The following RBFOX1 variants were observed in gnomAD, a reference collection of about 807,000 sequenced individuals.
RBFOX1 encodes the protein RNA binding fox-1 homolog 1.
A neutral mutation model predicts 57.7 loss-of-function variants in RBFOX1; 8 were observed. The ratio of observed to expected loss-of-function variants is 0.14; its 90% CI spans 0.08 to 0.25. The LOEUF (loss-of-function observed/expected upper bound fraction) is 0.25, where lower values mean the gene tolerates loss of function less well. Ranked by LOEUF, RBFOX1 falls within the 10% of genes least tolerant of loss-of-function variation. The pLI is 1.00. For missense variants in RBFOX1, 611 were observed against 548.5 expected (o/e 1.11, Z -1.14); for synonymous variants, 326 against 222.4 (o/e 1.47, Z -4.15).
intron 3 of RBFOX1, among the ~76,000 whole-genome samples, chr16:6,954,916 T>A (rs1036522889): frequency 2.6e-5 from 4 of 152,092 alleles, no homozygotes; most frequent in South Asian, 2.1e-4. Flanking sequence ...CCTAAACTTA[T>A]TAGGCTATTT....
chr16:6,353,239 G>A (rs930313133), intron 2 of RBFOX1, among the ~76,000 whole-genome samples: 13 of 151,902 alleles, frequency 8.6e-5, no homozygotes, highest in African/African-American at 2.2e-4. Context: ...TTTATCATAC[G>A]TCCTCCATCT....
At chr16:7,710,018 A>G in intron 15 of RBFOX1, 1 of 1,007,890 alleles carries the variant, frequency 9.9e-7, no homozygotes, top group South Asian at 4.3e-5. Context: ...CCTTGTAGCC[A>G]TTAAAACCAT....
At chr16:6,320,205 C>T (rs2081601798) in intron 2 of RBFOX1, among the ~76,000 whole-genome samples, 1 of 152,180 alleles carries the variant, frequency 6.6e-6, no homozygotes, top group Admixed American at 6.5e-5. Flanking sequence ...TAACCCTAAT[C>T]AGCTGATGCT....
intron 1 of RBFOX1, among the ~76,000 whole-genome samples, chr16:5,438,970 T>C (rs1289564983): frequency 8.2e-5 from 12 of 147,064 alleles, no homozygotes; most frequent in African/African-American, 2.5e-5. Context: ...AACAAGTTAG[T>C]AATCATGTGA....
At chr16:7,506,217 A>T (rs979278686) in intron 4 of RBFOX1, among the ~76,000 whole-genome samples, 10 of 130,440 alleles carry the variant, frequency 7.7e-5, no homozygotes, top group Non-Finnish European at 1.3e-4. Context: ...AAAAAAAAAA[A>T]TTTCTGTAAG....
chr16:6,406,724 C>A (rs531259285), intron 2 of RBFOX1, among the ~76,000 whole-genome samples: 1 of 151,998 alleles, frequency 6.6e-6, no homozygotes, highest in African/African-American at 2.4e-5. Flanking sequence ...TGCTGGGACC[C>A]CCATCATGGC....
chr16:5,299,346 G>T (rs77962801), intron 1 of RBFOX1, among the ~76,000 whole-genome samples: 8,867 of 152,130 alleles, frequency 0.058, 843 homozygotes, highest in African/African-American at 0.2. Flanking sequence ...TCTACCAGTG[G>T]ATAGACATTT....
At chr16:6,943,245 A>C (rs570404339) in intron 3 of RBFOX1, among the ~76,000 whole-genome samples, 1 of 152,352 alleles carries the variant, frequency 6.6e-6, no homozygotes, top group East Asian at 1.9e-4. Context: ...GAAAGCCAGC[A>C]GTCAATGACT....
chr16:7,113,025 C>G (rs775809151), intron 4 of RBFOX1, among the ~76,000 whole-genome samples: 1 of 152,136 alleles, frequency 6.6e-6, no homozygotes, highest in African/African-American at 2.4e-5. Flanking sequence ...TCAGACCCAT[C>G]GAACTGGAGT....
At chr16:5,282,274 C>G (rs112642939) in intron 1 of RBFOX1, among the ~76,000 whole-genome samples, 11 of 152,198 alleles carry the variant, frequency 7.2e-5, no homozygotes, top group Non-Finnish European at 1.5e-4. Context: ...TCCATTAAAC[C>G]TTTATCTTTT....
chr16:5,318,364 A>G (rs983770419), intron 1 of RBFOX1, among the ~76,000 whole-genome samples: 3 of 152,050 alleles, frequency 2.0e-5, no homozygotes, highest in Non-Finnish European at 4.4e-5. Flanking sequence ...CCTGACCTCA[A>G]GTGATGCACC....
At chr16:6,068,016 A>T (rs935883211) in intron 1 of RBFOX1, among the ~76,000 whole-genome samples, 2 of 152,190 alleles carry the variant, frequency 1.3e-5, no homozygotes, top group Admixed American at 1.3e-4. Flanking sequence ...TATCAATATG[A>T]CCAAGATTTC....
intron 3 of RBFOX1, among the ~76,000 whole-genome samples, chr16:6,741,977 G>A (rs1387342829): frequency 1.3e-5 from 2 of 152,124 alleles, no homozygotes; most frequent in East Asian, 3.9e-4. Context: ...CATTAACAGA[G>A]TAGATTTCAA....
chr16:6,140,445 C>G (rs753561785), intron 1 of RBFOX1, among the ~76,000 whole-genome samples: 1 of 152,174 alleles, frequency 6.6e-6, no homozygotes, highest in Non-Finnish European at 1.5e-5. Context: ...ATCCACCCAT[C>G]TTGGCCTCCC....
At chr16:6,058,177 T>G (rs2095637891) in intron 1 of RBFOX1, among the ~76,000 whole-genome samples, 1 of 152,134 alleles carries the variant, frequency 6.6e-6, no homozygotes, top group Non-Finnish European at 1.5e-5. Flanking sequence ...ACATGCTTCT[T>G]TATCACAGAA....
intron 3 of RBFOX1, among the ~76,000 whole-genome samples, chr16:5,666,408 C>T (rs113338522): frequency 0.018 from 2,797 of 152,268 alleles, 86 homozygotes; most frequent in African/African-American, 0.064. Context: ...TCCTTTTATT[C>T]CCATGACAAG....
chr16:7,041,530 C>G (rs2046189886), intron 3 of RBFOX1, among the ~76,000 whole-genome samples: 1 of 152,136 alleles, frequency 6.6e-6, no homozygotes, highest in Admixed American at 6.6e-5. Context: ...CGCCGTTGCA[C>G]TCTGGTAAAG....
chr16:6,357,349 C>T (rs1396231247), intron 2 of RBFOX1, among the ~76,000 whole-genome samples: 2 of 152,004 alleles, frequency 1.3e-5, no homozygotes, highest in Admixed American at 6.5e-5. Flanking sequence ...GCTAATTCAG[C>T]TCAGAGTTTG....
At position 7,255,558 on chromosome 16, in the gene RBFOX1, T is replaced by G. The variant is rs1278045097; in HGVS notation, c.27+203460T>G. Among the ~76,000 whole-genome samples the G allele has an allele frequency of 3.3e-5, 5 of 152,312 alleles. No individual in the cohort carries two copies. In the East Asian group the frequency reaches 9.6e-4, roughly 29 times the overall value. On this transcript the variant is annotated intron_variant, in intron 4 of 15. Coordinates refer to ENST00000550418, the MANE Select transcript of RBFOX1 (RefSeq NM_018723.4). ...AGATTGAAAAAGAATTTGCACCACA[T>G]TATCTATTTTTAAAGCATGTTTATA...
Sources: gnomAD v4.1 joint callset for allele counts (sites outside exome capture counted in the v4.1 genomes callset) on GRCh38, gnomAD v4.1.1 for gene constraint, MANE v1.5 for transcripts, NCBI Gene and HGNC (gene_info 2026-07-23, HGNC 2026-07-21) for gene names.